The following A2M variants were observed in gnomAD, a reference collection of about 807,000 sequenced individuals.
The protein encoded by A2M is alpha-2-macroglobulin, also known as C3 and PZP-like alpha-2-macroglobulin domain-containing protein 5.
Under a neutral mutation model 183.9 loss-of-function variants are expected in A2M, and 128 were observed. The ratio of observed to expected loss-of-function variants is 0.70; its 90% CI spans 0.60 to 0.81. The LOEUF (loss-of-function observed/expected upper bound fraction) is 0.81. Among genes scored for constraint, A2M ranks in the 30% least tolerant of loss-of-function variants. The pLI is 0.00. For missense variants in A2M, 1,495 were observed against 1,787.6 expected (o/e 0.84, Z 2.95); for synonymous variants, 592 against 670.8 (o/e 0.88, Z 1.81).
intron 10 of A2M, among the ~76,000 whole-genome samples, chr12:9,104,714 G>A (rs1938150924): frequency 6.6e-6 from 1 of 152,156 alleles, no homozygotes; most frequent in African/African-American, 2.4e-5. Context: ...ATGTCTTCTA[G>A]ATATTTTGGA....
rs765558016 is a variant in A2M at position 9,102,215 on chromosome 12, C to CTAAT, written c.1267-542_1267-541insATTA. On this transcript the variant is annotated intron_variant, in intron 11 of 35. Transcript: ENST00000318602. Reference sequence around the variant, plus strand: ...CTTCTGGGCTATCTTAGGCTGATTGCTATTATTATTATTTTTTTGAGACAG... The same window carrying CTAAT: ...CTTCTGGGCTATCTTAGGCTGATTGCTAATTATTATTATTATTTTTTTGAGACAG... Among the ~76,000 whole-genome samples the CTAAT allele has an allele frequency of 1.5e-4, 23 of 152,110 alleles. 1 individual carries two copies. The East Asian group carries it at 4.2e-3, about 28-fold the overall frequency.
intron 17 of A2M, among the ~76,000 whole-genome samples, chr12:9,094,046 G>A (rs1207782146): frequency 2.0e-5 from 3 of 152,074 alleles, no homozygotes; most frequent in African/African-American, 4.8e-5. Flanking sequence ...AGTCCTATGT[G>A]GCTGCTGCCG....
intron 26 of A2M, 57 bp from the exon 27 acceptor site, chr12:9,077,477 G>T: frequency 6.5e-7 from 1 of 1,531,908 alleles, no homozygotes; most frequent in Non-Finnish European, 8.9e-7. Context: ...CTATTGATTA[G>T]TTCTTTCTAT....
intron 7 of A2M, among the ~76,000 whole-genome samples, chr12:9,109,091 C>A (rs954277135): frequency 2.0e-5 from 3 of 151,990 alleles, no homozygotes; most frequent in Non-Finnish European, 4.4e-5. Context: ...ATTAGCATAA[C>A]CTCTCTAGAA....
intron 18 of A2M, among the ~76,000 whole-genome samples, chr12:9,093,093 C>G (rs1350151394): frequency 6.6e-6 from 1 of 152,048 alleles, no homozygotes; most frequent in Non-Finnish European, 1.5e-5. Flanking sequence ...GTTGGGGTTG[C>G]AGGGATGGGA....
At chr12:9,094,253 C>G (rs1440296465) in intron 17 of A2M, among the ~76,000 whole-genome samples, 2 of 149,966 alleles carry the variant, frequency 1.3e-5, no homozygotes, top group South Asian at 2.1e-4. Flanking sequence ...CAGAAGATTA[C>G]AGTTAGTTTC....
intron 7 of A2M, 129 bp downstream of exon 7, chr12:9,109,192 T>A (rs1938535604): frequency 1.5e-6 from 1 of 649,400 alleles, no homozygotes; most frequent in African/African-American, 1.8e-5. Flanking sequence ...ATTCTACAGA[T>A]GAGGATGCTG....
chr12:9,098,050 T>C (rs1949438515), intron 15 of A2M, among the ~76,000 whole-genome samples: 1 of 152,240 alleles, frequency 6.6e-6, no homozygotes, highest in Non-Finnish European at 1.5e-5. Flanking sequence ...CAACTCCTAT[T>C]ACTGGTTGCA....
At position 9,070,580 on chromosome 12, in the gene A2M, T is replaced by G; in HGVS notation, c.4104-2A>C. 6.2e-7 allele frequency: 1 copy of G among 1,609,526 alleles called. No homozygotes were observed. Among genetic ancestry groups the G allele is most frequent in the South Asian group, 1.1e-5 (1 of 90,572 alleles). On this transcript the variant is annotated splice_acceptor_variant, in intron 31 of 35. Transcript: ENST00000318602. LOFTEE classifies it high-confidence loss of function. ...GAGGCAGAGCGGCTCCCTGTGTAACTGAGGATCCAGGGGAGGAAAGGATTA... is the reference window on the plus strand; with the variant it reads ...GAGGCAGAGCGGCTCCCTGTGTAACGGAGGATCCAGGGGAGGAAAGGATTA...
In A2M at chr12:9,101,157, C is replaced by T; in HGVS notation, c.1545G>A (p.Val515=). The T allele has an allele frequency of 1.3e-6, 2 of 1,560,360 alleles. No homozygotes were observed. The highest frequency in any genetic ancestry group is 2.4e-5 in the South Asian group (2 of 84,406). ...IVRTGTHGLL[V]KQEDMKGHFS... ...GGAAATACTCACTGTCTTCCTGCTT[C>T]ACAAGCAGTCCATGAGTCCCAGTTC... The change falls in exon 13 of 36, where the codon GTG becomes GTA. Residue 515 remains valine, a synonymous_variant. Transcript: ENST00000318602.
At position 9,095,663 on chromosome 12, in the gene A2M, A is replaced by G. The variant is rs1163501781; in HGVS notation, c.1889T>C (p.Phe630Ser). ...GTCCTGGTCATTCAAAGGCCCAGGGAAGCCAGTGAGGTCCTTTTCTGGTAG... is the reference window on the plus strand; with the variant it reads ...GTCCTGGTCATTCAAAGGCCCAGGGGAGCCAGTGAGGTCCTTTTCTGGTAG... ...NLLPEKDLTG[F>S]PGPLNDQDNE... The change falls in exon 16 of 36, where the codon TTC becomes TCC. Residue 630 changes from phenylalanine to serine, a missense_variant. Phe to Ser is a radical substitution (Grantham distance 155). Transcript: ENST00000318602. 1.2e-6 allele frequency: 2 copies of G among 1,611,866 alleles called. No homozygotes were observed. Among genetic ancestry groups the G allele is most frequent in the Non-Finnish European group, 1.7e-6 (2 of 1,178,820 alleles).
chr12:9,092,672 A>G (rs1375994935), intron 18 of A2M, among the ~76,000 whole-genome samples: 1 of 152,202 alleles, frequency 6.6e-6, no homozygotes, highest in Non-Finnish European at 1.5e-5. Context: ...GCAAATGTAC[A>G]TTGCCACAGC....
At chr12:9,099,137 A>G (rs1351008346) in intron 14 of A2M, among the ~76,000 whole-genome samples, 2 of 152,154 alleles carry the variant, frequency 1.3e-5, no homozygotes, top group African/African-American at 2.4e-5. Flanking sequence ...TCATCATAGA[A>G]GAAGGGAATA....
intron 13 of A2M, among the ~76,000 whole-genome samples, chr12:9,100,680 C>T (rs1937763222): frequency 6.6e-6 from 1 of 152,202 alleles, no homozygotes; most frequent in South Asian, 2.1e-4. Context: ...TTCCCTCCCT[C>T]AACTTTCTTT....
chr12:9,105,044 A>G (rs1212897515), intron 10 of A2M, among the ~76,000 whole-genome samples: 1 of 152,202 alleles, frequency 6.6e-6, no homozygotes, highest in Non-Finnish European at 1.5e-5. Flanking sequence ...ATAAAATTGA[A>G]AAGAGGCACA....
At chr12:9,075,451 A>C (rs1948719322) in intron 28 of A2M, among the ~76,000 whole-genome samples, 1 of 152,212 alleles carries the variant, frequency 6.6e-6, no homozygotes, top group Admixed American at 6.5e-5. Flanking sequence ...AAACATAAAA[A>C]AAATCCATGA....
chr12:9,091,105 A>G (rs924626019), intron 19 of A2M, 96 bp downstream of exon 19: 12 of 1,378,830 alleles, frequency 8.7e-6, no homozygotes, highest in Middle Eastern at 1.8e-4. Context: ...TCTAGTAAGC[A>G]TATTTTGCAT....
chr12:9,071,782 T>C (rs963414479), intron 31 of A2M, among the ~76,000 whole-genome samples: 2 of 152,348 alleles, frequency 1.3e-5, no homozygotes, highest in Non-Finnish European at 2.9e-5. Context: ...CTCATTCTTT[T>C]TGATGTGTGC....
intron 21 of A2M, 124 bp downstream of exon 21, chr12:9,089,778 A>G (rs1174848271): frequency 8.2e-6 from 6 of 735,662 alleles, no homozygotes; most frequent in Middle Eastern, 4.9e-4. Flanking sequence ...AACAGAAAGT[A>G]AATCAAGAGA....
Sources: gnomAD v4.1 joint callset for allele counts (sites outside exome capture counted in the v4.1 genomes callset) on GRCh38, gnomAD v4.1.1 for gene constraint, MANE v1.5 for transcripts, NCBI Gene and HGNC (gene_info 2026-07-23, HGNC 2026-07-21) for gene names.